Variants in MADD observed in about 807,000 individuals in gnomAD.
The protein encoded by MADD is MAP kinase-activating death domain protein.
In MADD, 109 loss-of-function variants were observed where a neutral mutation model predicts 176.7. The observed-to-expected ratio is 0.62, with a 90% CI of 0.53 to 0.72. MADD has a LOEUF of 0.72. Among genes scored for constraint, MADD ranks in the 30% least tolerant of loss-of-function variants. MADD has a pLI of 0.00. For missense variants in MADD, 1,914 were observed against 2,045.5 expected (o/e 0.94, Z 1.24); for synonymous variants, 771 against 771.3 (o/e 1.00, Z 0.01).
At chr11:47,302,756 G>C (rs1470605745) in intron 22 of MADD, among the ~76,000 whole-genome samples, 1 of 151,872 alleles carries the variant, frequency 6.6e-6, no homozygotes, top group African/African-American at 2.4e-5. Context: ...TTACATTCAA[G>C]GTTGTTATTG....
chr11:47,326,846 G>A (rs776215637), intron 31 of MADD, 39 bp downstream of exon 35: 4 of 1,612,792 alleles, frequency 2.5e-6, no homozygotes, highest in Non-Finnish European at 2.5e-6. Context: ...GGACTCACAT[G>A]GCAGTAACTC....
rs926066258 is a variant in MADD at position 47,275,261 on chromosome 11, C to T, written c.659+102C>T. On this transcript the variant is annotated intron_variant, in intron 3 of 32. Transcript: ENST00000402192. ...ATTTCCTCTACAGCTCAAGGTCCTT[C>T]AGACCTATTAAGCATATTTAGAGTA... 5 of 971,746 alleles carry T rather than the reference C, an allele frequency of 5.1e-6. No individual in the cohort carries two copies. The African/African-American group carries it at 8.2e-5, about 16-fold the overall frequency. 60.2% of individuals were successfully genotyped at this position (971,746 alleles called of 1,614,324 possible).
At chr11:47,328,450 A>G in intron 31 of MADD, 1 of 1,438,106 alleles carries the variant, frequency 7.0e-7, no homozygotes, top group Non-Finnish European at 9.1e-7. Context: ...CTAGCTGAGG[A>G]GGCTAGGGCC....
chr11:47,287,668 C>T (rs1346904241), intron 15 of MADD, among the ~76,000 whole-genome samples: 2 of 152,124 alleles, frequency 1.3e-5, no homozygotes, highest in African/African-American at 4.8e-5. Flanking sequence ...CCTTGGCCTC[C>T]CAAAGTGCCA....
At chr11:47,280,628 A>T (rs2055658067) in intron 7 of MADD, among the ~76,000 whole-genome samples, 1 of 152,164 alleles carries the variant, frequency 6.6e-6, no homozygotes, top group South Asian at 2.1e-4. Context: ...GCAGTGGCAC[A>T]ATCTTGGCTC....
intron 26 of MADD, among the ~76,000 whole-genome samples, chr11:47,313,728 C>G (rs1340066393): frequency 6.6e-6 from 1 of 151,832 alleles, no homozygotes; most frequent in Admixed American, 6.6e-5. Flanking sequence ...CATTTTTTTT[C>G]AGTCTGGGGA....
intron 15 of MADD, 32 bp downstream of exon 16, chr11:47,289,059 T>C (rs775846538): frequency 5.0e-5 from 78 of 1,560,436 alleles, no homozygotes; most frequent in Non-Finnish European, 6.6e-5. Flanking sequence ...TGCATGATCT[T>C]TTTTTTTTCT....
intron 31 of MADD, chr11:47,327,515 C>T (rs2095580585): frequency 2.0e-6 from 2 of 985,418 alleles, no homozygotes; most frequent in Non-Finnish European, 2.4e-6. Flanking sequence ...GTGGGTAGCT[C>T]CCATCGAACC....
intron 27 of MADD, among the ~76,000 whole-genome samples, chr11:47,319,990 CAAAAAAA>C (rs11302029): frequency 2.9e-5 from 2 of 67,880 alleles, no homozygotes; most frequent in Admixed American, 2.1e-4. Flanking sequence ...GACTCCATCG[CAAAAAAA>C]AAAAAAAAAA....
intron 30 of MADD, 52 bp from the exon 35 acceptor site, chr11:47,326,686 G>A: frequency 1.3e-6 from 2 of 1,598,920 alleles, no homozygotes; most frequent in Admixed American, 3.4e-5. Flanking sequence ...TGCTGTGTGG[G>A]GCAGGGGTGG....
In MADD at chr11:47,323,722, C is replaced by T. The variant is rs141476961; in HGVS notation, c.4249C>T (p.Arg1417Cys). The T allele has an allele frequency of 5.0e-6, 8 of 1,614,052 alleles. No homozygotes were observed. Among genetic ancestry groups the T allele is most frequent in the East Asian group, 2.2e-5 (1 of 44,886 alleles). Residue 1417 changes from arginine to cysteine, a missense_variant, in exon 28 of 33, where the codon CGC (arginine) becomes TGC (cysteine). By Grantham distance (180) the Arg-to-Cys change is radical. Around this residue, in one of 2 missense-constraint regions of MADD, gnomAD observed 1,767 missense variants for 1,836.0 expected, o/e 0.96. Coordinates refer to ENST00000402192, the Ensembl canonical transcript of MADD. ...TAGTAACATCGGAACAGTGTATGAG[C>T]GCTGGTGGTACGAGAAGCTCATCAA...
In MADD at chr11:47,316,511, C is replaced by T. The variant is rs1373563258; in HGVS notation, c.4197+1184C>T. ...TCAAGCGATTCTCCTGCCTCAGGCTCCCAAGTAGCTGGGATTACAGGCGCC... is the reference window on the plus strand; with the variant it reads ...TCAAGCGATTCTCCTGCCTCAGGCTTCCAAGTAGCTGGGATTACAGGCGCC... On this transcript the variant is annotated intron_variant, in intron 27 of 32. Coordinates refer to ENST00000402192, the Ensembl canonical transcript of MADD. Among the ~76,000 whole-genome samples, 5 of 151,286 alleles carry T rather than the reference C, an allele frequency of 3.3e-5. No homozygotes were observed. The East Asian group carries it at 9.8e-4, about 30-fold the overall frequency.
chr11:47,294,669 CAAAAAA>C (rs58253961), intron 20 of MADD, among the ~76,000 whole-genome samples: 3 of 56,032 alleles, frequency 5.4e-5, no homozygotes, highest in African/African-American at 1.4e-4. Context: ...GACTCCGTCT[CAAAAAA>C]AAAAAAAAAA....
At chr11:47,284,504 G>C in exon 12 of MADD, 2 of 1,614,086 alleles carry the variant, frequency 1.2e-6, no homozygotes, top group Non-Finnish European at 1.7e-6. Context: ...CCCCCACTGC[G>C]CTCCAGCTCT....
chr11:47,326,992 A>G (rs1318587407), intron 31 of MADD, 185 bp downstream of exon 35: 10 of 1,364,846 alleles, frequency 7.3e-6, no homozygotes, highest in Non-Finnish European at 9.5e-6. Context: ...GGAAAGATAG[A>G]TAATGGATCG....
At chr11:47,281,083 T>C (rs532447246) in intron 7 of MADD, among the ~76,000 whole-genome samples, 3 of 152,334 alleles carry the variant, frequency 2.0e-5, no homozygotes, top group Admixed American at 2.0e-4. Context: ...TGAGAAGCAC[T>C]GCTGCTCTCG....
intron 31 of MADD, chr11:47,328,251 T>A: frequency 9.1e-7 from 1 of 1,103,612 alleles, no homozygotes; most frequent in Non-Finnish European, 1.1e-6. Context: ...CTCAGCAAAG[T>A]TGGACACAAG....
chr11:47,320,284 G>C (rs2094208143), intron 27 of MADD, among the ~76,000 whole-genome samples: 1 of 151,314 alleles, frequency 6.6e-6, no homozygotes, highest in Non-Finnish European at 1.5e-5. Flanking sequence ...GTGAAACCCT[G>C]CCTCTACTAA....
At chr11:47,324,549 G>A in exon 30 of MADD, 1 of 1,613,806 alleles carries the variant, frequency 6.2e-7, no homozygotes, top group Non-Finnish European at 8.5e-7. Context: ...ACCCTGGAAG[G>A]GATCAACCTC....
Sources: allele counts gnomAD v4.1 joint callset (sites outside exome capture counted in the v4.1 genomes callset), GRCh38; gene constraint gnomAD v4.1.1; regional missense constraint gnomAD v4.1.1; transcripts MANE v1.5; gene names NCBI Gene and HGNC (gene_info 2026-07-23, HGNC 2026-07-21).